MTMR8: variants seen among roughly 807,000 people sequenced by gnomAD.
The protein encoded by MTMR8 is myotubularin related protein 8.
Under a neutral mutation model 39.3 loss-of-function variants are expected in MTMR8, and 65 were observed. The observed-to-expected ratio is 1.65, with a 90% CI of 1.35 to 2.03. The LOEUF (loss-of-function observed/expected upper bound fraction) is 2.03. Ranked by LOEUF, MTMR8 falls within the 30% of genes most tolerant of loss-of-function variation. The probability of loss-of-function intolerance (pLI) is 0.00; values close to 1 mark genes in which losing one functional copy is unlikely to be tolerated. For synonymous variants in MTMR8, 245 were observed against 185.2 expected (o/e 1.32, Z -2.62); for missense variants, 777 against 538.9 (o/e 1.44, Z -4.37).
intron 12 of MTMR8, among the ~76,000 whole-genome samples, chrX:64,323,632 C>A (rs981844731): frequency 8.9e-6 from 1 of 112,433 alleles, no homozygotes. Context: ...GAACATGAAA[C>A]TTTCTCTAGG....
intron 1 of MTMR8, among the ~76,000 whole-genome samples, chrX:64,370,048 G>A (rs762382546): frequency 9.0e-6 from 1 of 111,067 alleles, no homozygotes; most frequent in Non-Finnish European, 1.9e-5. Context: ...AGATGGGGGA[G>A]TGGAATGGGA....
chrX:64,327,138 C>T (rs1175562315), intron 12 of MTMR8, among the ~76,000 whole-genome samples: 1 of 111,326 alleles, frequency 9.0e-6, no homozygotes, highest in African/African-American at 3.3e-5. Context: ...AATTTTTTGG[C>T]TATGACTCTA....
chrX:64,297,613 T>C (rs1201548447), intron 12 of MTMR8, among the ~76,000 whole-genome samples: 4 of 92,163 alleles, frequency 4.3e-5, no homozygotes, highest in Non-Finnish European at 6.5e-5. Flanking sequence ...ATTTTGGCTT[T>C]TGTTGCCATT....
chrX:64,287,823 G>T (rs1196043273), intron 12 of MTMR8, among the ~76,000 whole-genome samples: 1 of 105,349 alleles, frequency 9.5e-6, no homozygotes, highest in African/African-American at 3.4e-5. Flanking sequence ...ATTCAAGATG[G>T]ATTAAAGACT....
rs773622257 is a variant in MTMR8 at position 64,343,695 on chromosome X, CATT to C, written c.888_890del (p.Met297del). 10 of 1,203,112 alleles carry C rather than the reference CATT, an allele frequency of 8.3e-6. No individual in the cohort carries two copies. Among genetic ancestry groups the C allele is most frequent in the African/African-American group, 7.0e-5 (4 of 57,134 alleles). ...TCTCCAGGCCGCTAAGAAATTCACT[CATT>C]GTTGGAGTTTTCAATTCACAAACTA... On this transcript the variant is annotated inframe_deletion, in exon 8 of 14. Coordinates refer to ENST00000374852, the MANE Select transcript of MTMR8 (RefSeq NM_017677.4).
At chrX:64,366,914 A>C (rs1315749150) in intron 1 of MTMR8, among the ~76,000 whole-genome samples, 1 of 111,991 alleles carries the variant, frequency 8.9e-6, no homozygotes, top group Non-Finnish European at 1.9e-5. Flanking sequence ...AAAAATGATA[A>C]AGGTGATATC....
At chrX:64,393,738 T>G (rs1435772402) in intron 1 of MTMR8, among the ~76,000 whole-genome samples, 2 of 111,646 alleles carry the variant, frequency 1.8e-5, no homozygotes, top group Non-Finnish European at 3.8e-5. Context: ...ACACGGGATG[T>G]GGTTATCCTC....
chrX:64,308,219 T>C (rs1445870983), intron 12 of MTMR8, among the ~76,000 whole-genome samples: 1 of 108,637 alleles, frequency 9.2e-6, no homozygotes, highest in Non-Finnish European at 1.9e-5. Context: ...GCATAATACT[T>C]TTTTTTTTAT....
intron 12 of MTMR8, among the ~76,000 whole-genome samples, chrX:64,290,553 C>T (rs1251010140): frequency 9.1e-6 from 1 of 110,384 alleles, no homozygotes; most frequent in East Asian, 2.9e-4. Flanking sequence ...GTCAAGATAC[C>T]AACAATTCCA....
rs767419080 is a variant in MTMR8 at position 64,395,349 on chromosome X, C to A, written c.15G>T (p.Thr5=). 9 of 1,210,504 alleles carry A rather than the reference C, an allele frequency of 7.4e-6. No individual in the cohort carries two copies. In the South Asian group the frequency reaches 1.6e-4, roughly 21 times the overall value. The change falls in exon 1 of 14, where the codon ACG becomes ACT. Residue 5 remains threonine (T), a synonymous_variant. Transcript: ENST00000374852. ...TAACTCTTCTCCTTACCTTGGGTACCGTAATATGATCCATGACTGCAGTTC... is the reference window on the plus strand; with the variant it reads ...TAACTCTTCTCCTTACCTTGGGTACAGTAATATGATCCATGACTGCAGTTC... The part of the protein sequence containing the change: MDHI[T]VPKVENVKLV...
chrX:64,358,675 T>A (rs1484238060), intron 2 of MTMR8, among the ~76,000 whole-genome samples: 1 of 111,424 alleles, frequency 9.0e-6, no homozygotes, highest in African/African-American at 3.3e-5. Context: ...AAGCATGTTG[T>A]ACTTCTTATA....
intron 12 of MTMR8, among the ~76,000 whole-genome samples, chrX:64,292,382 C>T (rs1184685455): frequency 9.0e-6 from 1 of 111,504 alleles, no homozygotes; most frequent in Non-Finnish European, 1.9e-5. Context: ...GGCTATCCTA[C>T]TCAAGGGATG....
chrX:64,361,613 A>T (rs984903669), intron 1 of MTMR8, among the ~76,000 whole-genome samples: 12 of 111,632 alleles, frequency 1.1e-4, no homozygotes, highest in African/African-American at 3.9e-4. Flanking sequence ...AAAAAGAAGT[A>T]TTTAATATAG....
chrX:64,358,122 C>G (rs1021504012), intron 2 of MTMR8, among the ~76,000 whole-genome samples: 1 of 111,800 alleles, frequency 8.9e-6, no homozygotes, highest in Non-Finnish European at 1.9e-5. Context: ...CGGCACAGTA[C>G]TAAAGAACTG....
chrX:64,320,290 AAG>A (rs1395493576), intron 12 of MTMR8, among the ~76,000 whole-genome samples: 1 of 111,113 alleles, frequency 9.0e-6, no homozygotes, highest in Admixed American at 9.6e-5. Context: ...AAATTTTGGT[AAG>A]AGAGTGATAC....
chrX:64,318,936 C>T (rs552332033), intron 12 of MTMR8, among the ~76,000 whole-genome samples: 1 of 111,271 alleles, frequency 9.0e-6, no homozygotes, highest in Non-Finnish European at 1.9e-5. Flanking sequence ...CCGCCTTGGC[C>T]TTCCAAAGTG....
At chrX:64,368,512 A>C (rs769546594) in intron 1 of MTMR8, among the ~76,000 whole-genome samples, 1 of 111,752 alleles carries the variant, frequency 8.9e-6, no homozygotes, top group Non-Finnish European at 1.9e-5. Flanking sequence ...ATGGGGAAAT[A>C]ATTCCCTATT....
At chrX:64,320,012 G>A (rs903926105) in intron 12 of MTMR8, among the ~76,000 whole-genome samples, 5 of 111,229 alleles carry the variant, frequency 4.5e-5, no homozygotes, top group African/African-American at 9.8e-5. Flanking sequence ...CCATTTTCAC[G>A]ATATTGATTC....
At chrX:64,289,162 A>G (rs1203295702) in intron 12 of MTMR8, among the ~76,000 whole-genome samples, 1 of 110,864 alleles carries the variant, frequency 9.0e-6, no homozygotes, top group East Asian at 2.8e-4. Context: ...CATTAAAAAG[A>G]TGTTCAACAA....
Sources: gnomAD v4.1 joint callset for allele counts (sites outside exome capture counted in the v4.1 genomes callset) on GRCh38, gnomAD v4.1.1 for gene constraint, MANE v1.5 for transcripts, NCBI Gene and HGNC (gene_info 2026-07-23, HGNC 2026-07-21) for gene names.